IGSF21: variants seen among roughly 807,000 people sequenced by gnomAD.
IGSF21 encodes immunoglobulin superfamily member 21.
A neutral mutation model predicts 46.8 loss-of-function variants in IGSF21; 28 were observed. The ratio of observed to expected loss-of-function variants is 0.60; its 90% CI spans 0.44 to 0.82. The LOEUF is 0.82. Ranked by LOEUF, IGSF21 falls within the 40% of genes least tolerant of loss-of-function variation. The pLI, the probability that IGSF21 is intolerant of heterozygous loss-of-function variation, is 0.00. For missense variants in IGSF21, 624 were observed against 665.5 expected, an observed-to-expected ratio of 0.94 and a Z score of 0.69; for synonymous variants, 284 against 273.6, an observed-to-expected ratio of 1.04 and a Z score of -0.38.
chr1:18,196,666 T>G (rs1029262540), intron 1 of IGSF21, among the ~76,000 whole-genome samples: 15 of 152,202 alleles, frequency 9.9e-5, no homozygotes, highest in African/African-American at 3.6e-4. Context: ...AATGGCCCCA[T>G]GAGGTGGTGC....
intron 1 of IGSF21, among the ~76,000 whole-genome samples, chr1:18,217,312 GGAT>G (rs1397186494): frequency 6.6e-6 from 1 of 152,174 alleles, no homozygotes; most frequent in African/African-American, 2.4e-5. Context: ...AGGAAAGGAT[GGAT>G]GACCCATGTT....
intron 1 of IGSF21, among the ~76,000 whole-genome samples, chr1:18,202,374 T>A (rs1451391903): frequency 6.6e-6 from 1 of 152,176 alleles, no homozygotes; most frequent in Non-Finnish European, 1.5e-5. Flanking sequence ...TCATTACTTT[T>A]GGGGGCCCTT....
chr1:18,326,452 A>T (rs1314020400), intron 3 of IGSF21, among the ~76,000 whole-genome samples: 1 of 152,216 alleles, frequency 6.6e-6, no homozygotes, highest in Admixed American at 6.5e-5. Context: ...CTCTGTCCCC[A>T]GCCCTTTAGA....
At chr1:18,291,162 G>C (rs1254468834) in intron 2 of IGSF21, among the ~76,000 whole-genome samples, 1 of 152,206 alleles carries the variant, frequency 6.6e-6, no homozygotes, top group Non-Finnish European at 1.5e-5. Context: ...CTTTCCATCA[G>C]CCATGAACAG....
At chr1:18,242,184 G>T (rs566133144) in intron 2 of IGSF21, among the ~76,000 whole-genome samples, 9 of 152,244 alleles carry the variant, frequency 5.9e-5, no homozygotes, top group African/African-American at 2.2e-4. Context: ...AGGCAGCACG[G>T]TTCACCTACT....
intron 2 of IGSF21, among the ~76,000 whole-genome samples, chr1:18,272,081 C>T (rs2085048127): frequency 6.6e-6 from 1 of 152,066 alleles, no homozygotes; most frequent in African/African-American, 2.4e-5. Context: ...GCCTCATAAT[C>T]ATGGCCTCAC....
At chr1:18,245,797 T>C (rs2084778020) in intron 2 of IGSF21, among the ~76,000 whole-genome samples, 1 of 152,140 alleles carries the variant, frequency 6.6e-6, no homozygotes, top group Non-Finnish European at 1.5e-5. Context: ...AGCTGGAATA[T>C]TGAGAGCAGG....
At chr1:18,317,912 T>C (rs2085559259) in intron 3 of IGSF21, among the ~76,000 whole-genome samples, 1 of 151,882 alleles carries the variant, frequency 6.6e-6, no homozygotes, top group Admixed American at 6.6e-5. Flanking sequence ...AGACACAGAG[T>C]GGTAGAGTGA....
At chr1:18,229,363 T>C (rs1375928368) in intron 2 of IGSF21, among the ~76,000 whole-genome samples, 1 of 152,220 alleles carries the variant, frequency 6.6e-6, no homozygotes, top group East Asian at 1.9e-4. Flanking sequence ...GCATGCGTGC[T>C]GTTCATAGTC....
intron 3 of IGSF21, among the ~76,000 whole-genome samples, chr1:18,321,268 A>G (rs374911913): frequency 5.9e-5 from 9 of 152,214 alleles, no homozygotes; most frequent in African/African-American, 1.7e-4. Flanking sequence ...GTAGAGCCAC[A>G]GTCTGATGCC....
At chr1:18,248,667 T>C (rs928499075) in intron 2 of IGSF21, among the ~76,000 whole-genome samples, 3 of 152,150 alleles carry the variant, frequency 2.0e-5, no homozygotes, top group African/African-American at 7.2e-5. Flanking sequence ...CGGTGCAAGG[T>C]GCTCTGGGTG....
intron 1 of IGSF21, among the ~76,000 whole-genome samples, chr1:18,149,664 G>A (rs2086503726): frequency 6.6e-6 from 1 of 151,480 alleles, no homozygotes; most frequent in Non-Finnish European, 1.5e-5. Context: ...GGCAGATTGT[G>A]GAAATCCTGG....
chr1:18,223,642 C>T (rs1255796352), intron 1 of IGSF21, among the ~76,000 whole-genome samples: 1 of 152,138 alleles, frequency 6.6e-6, no homozygotes, highest in Admixed American at 6.5e-5. Flanking sequence ...TTTTAATACT[C>T]TACTGATATT....
At chr1:18,222,950 G>T (rs184361074) in intron 1 of IGSF21, among the ~76,000 whole-genome samples, 1 of 152,310 alleles carries the variant, frequency 6.6e-6, no homozygotes, top group African/African-American at 2.4e-5. Flanking sequence ...GATTGGTGCT[G>T]TCATAGCCTT....
intron 2 of IGSF21, among the ~76,000 whole-genome samples, chr1:18,234,709 G>T (rs969293195): frequency 1.3e-5 from 2 of 152,148 alleles, no homozygotes; most frequent in Non-Finnish European, 2.9e-5. Flanking sequence ...TCACTATCAT[G>T]AGAACAGCAT....
At chr1:18,179,705 G>T (rs944558280) in intron 1 of IGSF21, among the ~76,000 whole-genome samples, 1 of 152,110 alleles carries the variant, frequency 6.6e-6, no homozygotes, top group African/African-American at 2.4e-5. Flanking sequence ...GGTCGGCTTG[G>T]GGGTGAGGGT....
At chr1:18,361,492 C>G (rs1490163945) in intron 4 of IGSF21, 1 of 152,432 alleles carries the variant, frequency 6.6e-6, no homozygotes, top group Non-Finnish European at 1.5e-5. Flanking sequence ...CCTGACAGCA[C>G]ACCACGTGCT....
intron 4 of IGSF21, among the ~76,000 whole-genome samples, chr1:18,346,899 G>A (rs776619750): frequency 5.9e-5 from 9 of 152,148 alleles, no homozygotes; most frequent in Admixed American, 1.3e-4. Flanking sequence ...GTTCAGAGAC[G>A]GGACACTGTC....
intron 2 of IGSF21, among the ~76,000 whole-genome samples, chr1:18,246,513 G>A (rs549918662): frequency 6.6e-6 from 1 of 152,184 alleles, no homozygotes; most frequent in East Asian, 1.9e-4. Flanking sequence ...AATTATTTCT[G>A]TGGTCTTGTC....
Sources: allele counts gnomAD v4.1 joint callset (sites outside exome capture counted in the v4.1 genomes callset), GRCh38; gene constraint gnomAD v4.1.1; transcripts MANE v1.5; gene names NCBI Gene and HGNC (gene_info 2026-07-23, HGNC 2026-07-21).